POC1B: variants seen among roughly 807,000 people sequenced by gnomAD.
POC1B encodes POC1 centriolar protein B.
A neutral mutation model predicts 60.6 loss-of-function variants in POC1B; 44 were observed. The observed-to-expected ratio is 0.73, with a 90% CI of 0.57 to 0.93. The LOEUF (loss-of-function observed/expected upper bound fraction) is 0.93, where lower values mean the gene tolerates loss of function less well. Among genes scored for constraint, POC1B ranks in the 40% least tolerant of loss-of-function variants. POC1B has a pLI of 0.00. For synonymous variants in POC1B, 180 were observed against 198.9 expected (o/e 0.90, Z 0.80); for missense variants, 555 against 572.3 (o/e 0.97, Z 0.31).
chr12:89,415,642 C>CA (rs35705271), downstream of POC1B, among the ~76,000 whole-genome samples: 5,380 of 124,122 alleles, frequency 0.043, 258 homozygotes, highest in African/African-American at 0.12. Context: ...GACTCCGTCT[C>CA]AAAAAAAAAA....
At chr12:89,404,080 T>G in the POC1B span, among the ~76,000 whole-genome samples, 6 of 150,862 alleles carry the variant, frequency 4.0e-5, no homozygotes, top group Non-Finnish European at 8.8e-5. Context: ...TGCGATAAGC[T>G]GAGATCGCGC....
intron 4 of POC1B, among the ~76,000 whole-genome samples, chr12:89,489,197 G>A (rs1172302955): frequency 6.6e-6 from 1 of 152,166 alleles, no homozygotes; most frequent in Admixed American, 6.5e-5. Context: ...ACTATGTGAG[G>A]TGCACCGTTC....
At chr12:89,472,329 A>C in intron 4 of POC1B, 54 bp from the exon 5 acceptor site, 2 of 1,116,708 alleles carry the variant, frequency 1.8e-6, no homozygotes, top group Non-Finnish European at 2.6e-6. Flanking sequence ...GAGAGTCACC[A>C]CCTCACCTCT....
intron 2 of POC1B, among the ~76,000 whole-genome samples, chr12:89,503,809 CCCCATCT>C (rs1869741459): frequency 7.0e-6 from 1 of 143,520 alleles, no homozygotes; most frequent in Non-Finnish European, 1.5e-5. Flanking sequence ...CCGGCAGCCG[CCCCATCT>C]GAGAAGTGAG....
At chr12:89,502,234 A>T in intron 2 of POC1B, 2 of 1,260,682 alleles carry the variant, frequency 1.6e-6, no homozygotes, top group Non-Finnish European at 2.3e-6. Context: ...AGTTCCTGGA[A>T]GTTCAGATGA....
chr12:89,495,510 G>A (rs1869200727), intron 3 of POC1B, among the ~76,000 whole-genome samples: 1 of 152,164 alleles, frequency 6.6e-6, no homozygotes, highest in Non-Finnish European at 1.5e-5. Flanking sequence ...GAATGCCCAT[G>A]AGCTTTTCTT....
At chr12:89,476,735 TAGATAGATAGATAGATAGATAGATAGAC>T (rs200355406) in intron 4 of POC1B, among the ~76,000 whole-genome samples, 5,372 of 138,632 alleles carry the variant, frequency 0.039, 299 homozygotes, top group East Asian at 0.27. Flanking sequence ...GATAGATAGA[TAGATAGATAGATAGATAGATAGATAGAC>T]AGACAGACAG....
At chr12:89,426,208 C>T (rs1592576506) in intron 10 of POC1B, 2 of 152,046 alleles carry the variant, frequency 1.3e-5, no homozygotes, top group South Asian at 4.1e-4. Flanking sequence ...ACAAAAAGTA[C>T]AGTAGAGGTT....
chr12:89,406,662 T>G, the POC1B span, among the ~76,000 whole-genome samples: 1 of 152,010 alleles, frequency 6.6e-6, no homozygotes, highest in South Asian at 2.1e-4. Flanking sequence ...ATGAGAGCTG[T>G]GCCTTTGAGA....
intron 10 of POC1B, among the ~76,000 whole-genome samples, chr12:89,445,083 A>T (rs1313101033): frequency 6.6e-6 from 1 of 152,226 alleles, no homozygotes; most frequent in Admixed American, 6.5e-5. Flanking sequence ...AGAACTAGAA[A>T]CCACTGCTCA....
At chr12:89,459,174 CA>C (rs1488129383) in intron 10 of POC1B, among the ~76,000 whole-genome samples, 8 of 151,770 alleles carry the variant, frequency 5.3e-5, no homozygotes, top group African/African-American at 9.7e-5. Flanking sequence ...ATACGTGAGA[CA>C]GTGGGTATGG....
At chr12:89,524,351 G>A (rs758122274) in intron 2 of POC1B, 2 of 1,614,004 alleles carry the variant, frequency 1.2e-6, no homozygotes, top group South Asian at 2.2e-5. Context: ...TCTGCAGGGG[G>A]CTTCTTATAA....
At chr12:89,489,464 G>T (rs1868833040) in intron 4 of POC1B, among the ~76,000 whole-genome samples, 1 of 152,166 alleles carries the variant, frequency 6.6e-6, no homozygotes, top group African/African-American at 2.4e-5. Flanking sequence ...GCCAAAAACT[G>T]GCTGAAACCT....
chr12:89,436,096 C>T (rs1881254647), intron 10 of POC1B, among the ~76,000 whole-genome samples: 1 of 151,978 alleles, frequency 6.6e-6, no homozygotes, highest in African/African-American at 2.4e-5. Context: ...AGGTGCACAC[C>T]ACCATTCCCA....
chr12:89,458,003 C>A (rs1388834383), intron 10 of POC1B, among the ~76,000 whole-genome samples: 1 of 152,158 alleles, frequency 6.6e-6, no homozygotes, highest in African/African-American at 2.4e-5. Context: ...GTTATGCCCA[C>A]CTCAATAGCA....
intron 4 of POC1B, among the ~76,000 whole-genome samples, chr12:89,481,323 A>T (rs1868361315): frequency 1.3e-5 from 2 of 152,348 alleles, no homozygotes; most frequent in South Asian, 4.1e-4. Context: ...TTACTTCCCT[A>T]CCATAAACAA....
At chr12:89,492,283 A>G (rs556854261) in intron 3 of POC1B, among the ~76,000 whole-genome samples, 168 bp from the exon 4 acceptor site, 1 of 152,268 alleles carries the variant, frequency 6.6e-6, no homozygotes, top group South Asian at 2.1e-4. Context: ...CTCTTCGTCA[A>G]CACTGAAATT....
At chr12:89,459,364 A>T (rs1882383147) in intron 10 of POC1B, among the ~76,000 whole-genome samples, 1 of 150,686 alleles carries the variant, frequency 6.6e-6, no homozygotes, top group Non-Finnish European at 1.5e-5. Context: ...TACATATGTA[A>T]CTAACCTGCA....
At chr12:89,434,414 C>T (rs1292484885) in intron 10 of POC1B, among the ~76,000 whole-genome samples, 1 of 152,164 alleles carries the variant, frequency 6.6e-6, no homozygotes, top group Non-Finnish European at 1.5e-5. Flanking sequence ...TTATTATAAT[C>T]TCTAGAGAAA....
Sources: gnomAD v4.1 joint callset for allele counts (sites outside exome capture counted in the v4.1 genomes callset) on GRCh38, gnomAD v4.1.1 for gene constraint, MANE v1.5 for transcripts, NCBI Gene and HGNC (gene_info 2026-07-23, HGNC 2026-07-21) for gene names.